The following USP7 variants were observed in gnomAD, a reference collection of about 807,000 sequenced individuals.
The protein encoded by USP7 is ubiquitin C-terminal hydrolase 7.
A neutral mutation model predicts 162.9 loss-of-function variants in USP7; 9 were observed. The observed-to-expected ratio is 0.06, with a 90% CI of 0.03 to 0.10. The LOEUF (loss-of-function observed/expected upper bound fraction) is 0.10. Ranked by LOEUF, USP7 falls within the 10% of genes least tolerant of loss-of-function variation. The probability of loss-of-function intolerance (pLI) is 1.00; values close to 1 mark genes in which losing one functional copy is unlikely to be tolerated. For missense variants in USP7, 715 were observed against 1,373.7 expected (o/e 0.52, Z 7.58); for synonymous variants, 562 against 475.9 (o/e 1.18, Z -2.35).
intron 4 of USP7, 44 bp downstream of exon 4, chr16:8,921,113 G>C: frequency 1.9e-6 from 3 of 1,573,880 alleles, no homozygotes; most frequent in Non-Finnish European, 2.6e-6. Flanking sequence ...GGAACAACAA[G>C]CAGTAATGCA....
intron 1 of USP7, among the ~76,000 whole-genome samples, chr16:8,933,010 G>C (rs1898462138): frequency 1.3e-5 from 2 of 151,586 alleles, no homozygotes; most frequent in African/African-American, 2.4e-5. Context: ...GCGAGATCTC[G>C]GCTCACTGCA....
chr16:8,943,672 C>T (rs1296899991), intron 1 of USP7, among the ~76,000 whole-genome samples: 2 of 152,186 alleles, frequency 1.3e-5, no homozygotes, highest in Non-Finnish European at 2.9e-5. Context: ...TGGGTAGAGT[C>T]GAATGGCTGG....
At chr16:8,920,211 A>C (rs1195224017) in intron 5 of USP7, 148 bp downstream of exon 5, 1 of 655,634 alleles carries the variant, frequency 1.5e-6, no homozygotes, top group Non-Finnish European at 2.6e-6. Context: ...ACGAGTGTCA[A>C]GCAGGTGTGA....
chr16:8,912,432 AGAGT>A (rs1265654987), intron 10 of USP7, among the ~76,000 whole-genome samples: 2 of 150,818 alleles, frequency 1.3e-5, no homozygotes, highest in Non-Finnish European at 3.0e-5. Flanking sequence ...CCGGGGCGAC[AGAGT>A]GAGACTCCAT....
At chr16:8,952,813 C>T (rs1261334759) in intron 1 of USP7, among the ~76,000 whole-genome samples, 2 of 151,998 alleles carry the variant, frequency 1.3e-5, no homozygotes, top group African/African-American at 4.8e-5. Flanking sequence ...TGCTATTCCA[C>T]CCCTCCCGCC....
intron 7 of USP7, among the ~76,000 whole-genome samples, 189 bp from the exon 8 acceptor site, chr16:8,916,745 A>C (rs1169504464): frequency 1.3e-5 from 2 of 152,232 alleles, no homozygotes; most frequent in East Asian, 1.9e-4. Flanking sequence ...GTTTCCAAGA[A>C]AATGTAATAA....
At chr16:8,927,037 G>A (rs371835752) in intron 2 of USP7, among the ~76,000 whole-genome samples, 11 of 152,288 alleles carry the variant, frequency 7.2e-5, no homozygotes, top group East Asian at 3.9e-4. Flanking sequence ...AAGGTAGGCC[G>A]GGCGCAGTGG....
At position 8,945,916 on chromosome 16, in the gene USP7, A is replaced by G. The variant is rs151069472; in HGVS notation, c.80-15519T>C. ...AAAAGTAAAAATTAAAAAAAACAAC[A>G]GCACTGATTGAGAAATCACATTACC... is the stretch of plus-strand genomic sequence containing the variant. On this transcript the variant is annotated intron_variant, in intron 1 of 30. Transcript: ENST00000344836. Among the ~76,000 whole-genome samples the G allele has an allele frequency of 9.9e-5, 15 of 152,284 alleles. No individual in the cohort carries two copies. The East Asian group carries it at 2.9e-3, about 29-fold the overall frequency.
intron 5 of USP7, among the ~76,000 whole-genome samples, chr16:8,919,555 A>G (rs6498252): frequency 0.99 from 150,544 of 152,190 alleles, 74,477 homozygotes; most frequent in East Asian, 1. Context: ...GAAGAAACAG[A>G]AGTGTGTATT....
At chr16:8,959,406 T>G (rs1453170302) in intron 1 of USP7, among the ~76,000 whole-genome samples, 1 of 151,678 alleles carries the variant, frequency 6.6e-6, no homozygotes. Context: ...GTATCGATCA[T>G]TTCATTACAG....
intron 10 of USP7, among the ~76,000 whole-genome samples, chr16:8,912,682 G>A (rs2061966382): frequency 1.3e-5 from 2 of 150,920 alleles, no homozygotes; most frequent in African/African-American, 2.4e-5. Flanking sequence ...AGCACTTCGG[G>A]AGGCCAAGGC....
intron 2 of USP7, among the ~76,000 whole-genome samples, chr16:8,925,941 T>A (rs935834068): frequency 5.4e-5 from 8 of 148,008 alleles, no homozygotes; most frequent in Non-Finnish European, 1.0e-4. Context: ...GATCACGAGG[T>A]CAGGAGATCG....
chr16:8,926,346 G>A (rs1272241163), intron 2 of USP7, among the ~76,000 whole-genome samples: 1 of 152,080 alleles, frequency 6.6e-6, no homozygotes, highest in Non-Finnish European at 1.5e-5. Flanking sequence ...GGGTGTGGTG[G>A]TGCACGCCTG....
At chr16:8,937,876 G>C (rs1264439487) in intron 1 of USP7, among the ~76,000 whole-genome samples, 1 of 152,158 alleles carries the variant, frequency 6.6e-6, no homozygotes, top group Non-Finnish European at 1.5e-5. Context: ...GCCAGTCTGG[G>C]GAGCTTGCAT....
At position 8,918,407 on chromosome 16, in the gene USP7, C is replaced by G. The variant is rs568849565; in HGVS notation, c.720+624G>C. On this transcript the variant is annotated intron_variant, in intron 6 of 30. Coordinates refer to ENST00000344836, the MANE Select transcript of USP7 (RefSeq NM_003470.3). ...TTTCAATAAAAGTAAGTTGCATTGA[C>G]TTTTCAACTCAGTTTTTATATAAAA... is the stretch of plus-strand genomic sequence containing the variant. Among the ~76,000 whole-genome samples the G allele has an allele frequency of 7.2e-5, 11 of 152,322 alleles. No homozygotes were observed. The South Asian group carries it at 2.3e-3, about 32-fold the overall frequency.
At position 8,902,485 on chromosome 16, in the gene USP7, G is replaced by GA. The variant is rs756397128; in HGVS notation, c.1840-4dup. The GA allele has an allele frequency of 1.2e-6, 2 of 1,610,424 alleles. No homozygotes were observed. The highest frequency in any genetic ancestry group is 1.3e-5 in the African/African-American group (1 of 74,532). On this transcript the variant is annotated splice_region_variant and splice_polypyrimidine_tract_variant and intron_variant, in intron 16 of 30. Coordinates refer to ENST00000344836, the MANE Select transcript of USP7 (RefSeq NM_003470.3). Reference sequence around the variant, plus strand: ...CGAATTTGATCTTGTGGAAATCCCTGAAAAAAATATTAAGAGTAGATTAAA... The same window carrying GA: ...CGAATTTGATCTTGTGGAAATCCCTGAAAAAAAATATTAAGAGTAGATTAAA...
rs770735072 is a variant in USP7 at position 8,919,088 on chromosome 16, C to T, written c.663G>A (p.Ala221=). 7.4e-6 allele frequency: 12 copies of T among 1,613,950 alleles called. No homozygotes were observed. Among genetic ancestry groups the T allele is most frequent in the East Asian group, 6.7e-5 (3 of 44,896 alleles). The change falls in exon 6 of 31, where the codon GCG becomes GCA. Residue 221 remains alanine, a synonymous_variant. Coordinates refer to ENST00000344836, the MANE Select transcript of USP7 (RefSeq NM_003470.3). ...TGYVGLKNQG[A]TCYMNSLLQT... ...GTAGCAGGCTGTTCATGTAACAAGT[C>T]GCTCCCTGATTCTTTAAGCCGACGT... is the stretch of plus-strand genomic sequence containing the variant.
At chr16:8,948,231 G>C (rs571883925) in intron 1 of USP7, among the ~76,000 whole-genome samples, 10 of 152,286 alleles carry the variant, frequency 6.6e-5, no homozygotes, top group African/African-American at 2.4e-4. Flanking sequence ...GCCCAGGCTG[G>C]AGAATGAGTG....
intron 10 of USP7, among the ~76,000 whole-genome samples, chr16:8,911,992 C>CAA (rs1364081265): frequency 6.6e-6 from 1 of 152,172 alleles, no homozygotes; most frequent in Admixed American, 6.5e-5. Flanking sequence ...GGTTATCCCT[C>CAA]AAGTAAAACC....
Sources: gnomAD v4.1 joint callset for allele counts (sites outside exome capture counted in the v4.1 genomes callset) on GRCh38, gnomAD v4.1.1 for gene constraint, MANE v1.5 for transcripts, NCBI Gene and HGNC (gene_info 2026-07-23, HGNC 2026-07-21) for gene names.